Variants in REDIC1 observed in about 807,000 individuals in gnomAD.
The protein encoded by REDIC1 is regulator of DNA class I crossover intermediates 1, also known as HEI10 Interacting Protein 1.
At chr12:39,760,336 T>TTTTC in the REDIC1 span, 1 of 1,307,300 alleles carries the variant, frequency 7.6e-7, no homozygotes, top group East Asian at 2.5e-5. Flanking sequence ...TTGACTTTTT[T>TTTTC]TTTCTGGTCA....
chr12:39,780,201 A>G, the REDIC1 span, among the ~76,000 whole-genome samples: 1 of 147,886 alleles, frequency 6.8e-6, no homozygotes, highest in Non-Finnish European at 1.5e-5. Flanking sequence ...CCCATTTTGC[A>G]TATAAGTCTT....
the REDIC1 span, among the ~76,000 whole-genome samples, chr12:39,872,482 T>C: frequency 6.6e-6 from 1 of 152,124 alleles, no homozygotes; most frequent in Non-Finnish European, 1.5e-5. Context: ...TAGCATTGTG[T>C]AAAAAGATGA....
chr12:39,847,660 T>C, the REDIC1 span, among the ~76,000 whole-genome samples: 4 of 152,064 alleles, frequency 2.6e-5, no homozygotes, highest in South Asian at 2.1e-4. Flanking sequence ...ATGTAGCACA[T>C]TGGTCCCCAA....
the REDIC1 span, among the ~76,000 whole-genome samples, chr12:39,737,580 A>G: frequency 6.6e-6 from 1 of 152,228 alleles, no homozygotes; most frequent in East Asian, 1.9e-4. Flanking sequence ...TTTAATCTCT[A>G]CAACACATTA....
At chr12:39,753,851 A>G in the REDIC1 span, among the ~76,000 whole-genome samples, 3 of 152,202 alleles carry the variant, frequency 2.0e-5, no homozygotes, top group Admixed American at 2.0e-4. Flanking sequence ...ATAGACAATG[A>G]AAGTGAGGCA....
the REDIC1 span, among the ~76,000 whole-genome samples, chr12:39,899,735 T>C: frequency 4.6e-5 from 7 of 152,206 alleles, no homozygotes; most frequent in African/African-American, 7.2e-5. Context: ...CATTTATTTA[T>C]GTACCCAGTA....
At chr12:39,711,641 G>C in the REDIC1 span, among the ~76,000 whole-genome samples, 71 of 136,848 alleles carry the variant, frequency 5.2e-4, 2 homozygotes, top group Admixed American at 1.5e-3. Flanking sequence ...GTGTATATGT[G>C]TATACACATG....
the REDIC1 span, among the ~76,000 whole-genome samples, chr12:39,861,888 A>G: frequency 6.6e-6 from 1 of 152,172 alleles, no homozygotes; most frequent in Non-Finnish European, 1.5e-5. Context: ...TTTAATTTTA[A>G]GTTCCAGGAT....
the REDIC1 span, among the ~76,000 whole-genome samples, chr12:39,879,540 A>G: frequency 6.6e-6 from 1 of 152,286 alleles, no homozygotes; most frequent in African/African-American, 2.4e-5. Context: ...AAGCTTTAAT[A>G]TTTAATTACA....
the REDIC1 span, among the ~76,000 whole-genome samples, chr12:39,769,728 T>C: frequency 3.3e-5 from 5 of 151,966 alleles, no homozygotes; most frequent in East Asian, 1.9e-4. Flanking sequence ...CTGTCTACAA[T>C]ACACAAGATC....
At chr12:39,678,147 G>T in the REDIC1 span, among the ~76,000 whole-genome samples, 1 of 152,030 alleles carries the variant, frequency 6.6e-6, no homozygotes, top group Non-Finnish European at 1.5e-5. Context: ...AAAGATAAAT[G>T]AAATGAAAAG....
the REDIC1 span, among the ~76,000 whole-genome samples, chr12:39,658,331 T>A: frequency 6.6e-6 from 1 of 152,156 alleles, no homozygotes; most frequent in Non-Finnish European, 1.5e-5. Flanking sequence ...GTGATCCACC[T>A]GCCTCAGCCT....
the REDIC1 span, among the ~76,000 whole-genome samples, chr12:39,794,049 A>C: frequency 6.7e-6 from 1 of 149,814 alleles, no homozygotes. Flanking sequence ...AGAAAGTAAC[A>C]CACTCCCTCT....
At chr12:39,720,183 G>T in the REDIC1 span, among the ~76,000 whole-genome samples, 1 of 151,866 alleles carries the variant, frequency 6.6e-6, no homozygotes, top group South Asian at 2.1e-4. Flanking sequence ...TAACAGTTGA[G>T]ATATGTATTG....
the REDIC1 span, among the ~76,000 whole-genome samples, chr12:39,904,173 G>C: frequency 1.3e-5 from 2 of 152,094 alleles, no homozygotes; most frequent in African/African-American, 2.4e-5. Context: ...TCTTTCTTTA[G>C]CAATAATTTG....
At chr12:39,828,346 A>G in the REDIC1 span, among the ~76,000 whole-genome samples, 1 of 151,704 alleles carries the variant, frequency 6.6e-6, no homozygotes, top group African/African-American at 2.4e-5. Context: ...TATTTTTGCT[A>G]CTTAGTTATC....
At chr12:39,798,843 C>T in the REDIC1 span, among the ~76,000 whole-genome samples, 1 of 151,788 alleles carries the variant, frequency 6.6e-6, no homozygotes, top group African/African-American at 2.4e-5. Context: ...GATGTATAAA[C>T]ATATGTTAAT....
At chr12:39,888,783 A>G in the REDIC1 span, among the ~76,000 whole-genome samples, 36 of 152,184 alleles carry the variant, frequency 2.4e-4, no homozygotes, top group Non-Finnish European at 2.8e-4. Flanking sequence ...CTCACAAGTA[A>G]CCAAAATTTT....
At chr12:39,712,532 G>A in the REDIC1 span, among the ~76,000 whole-genome samples, 10 of 139,744 alleles carry the variant, frequency 7.2e-5, no homozygotes, top group African/African-American at 2.4e-4. Context: ...CGACATATAC[G>A]AATATGCGTA....
Sources: allele counts gnomAD v4.1 joint callset (sites outside exome capture counted in the v4.1 genomes callset), GRCh38; gene constraint gnomAD v4.1.1; transcripts MANE v1.5; gene names NCBI Gene and HGNC (gene_info 2026-07-23, HGNC 2026-07-21).